KLHDC4: variants seen among roughly 807,000 people sequenced by gnomAD.
KLHDC4 encodes kelch domain-containing protein 4.
A neutral mutation model predicts 62.4 loss-of-function variants in KLHDC4; 90 were observed. The observed-to-expected ratio is 1.44, with a 90% CI of 1.22 to 1.72. The LOEUF is 1.72. Among genes scored for constraint, KLHDC4 ranks in the 40% most tolerant of loss-of-function variants. The pLI, the probability that KLHDC4 is intolerant of heterozygous loss-of-function variation, is 0.00. For missense variants in KLHDC4, 1,025 were observed against 699.7 expected, an observed-to-expected ratio of 1.47 and a Z score of -5.25; for synonymous variants, 386 against 284.4, an observed-to-expected ratio of 1.36 and a Z score of -3.59.
chr16:87,713,038 T>G (rs2036204378), intron 8 of KLHDC4, among the ~76,000 whole-genome samples: 1 of 152,232 alleles, frequency 6.6e-6, no homozygotes, highest in African/African-American at 2.4e-5. Context: ...TTCTATTTAT[T>G]TTTTATTTTT....
intron 6 of KLHDC4, among the ~76,000 whole-genome samples, chr16:87,727,410 C>T (rs924764372): frequency 2.0e-5 from 3 of 152,166 alleles, no homozygotes; most frequent in Admixed American, 1.3e-4. Context: ...ATGATCAGAA[C>T]GGAGGTGTGA....
intron 8 of KLHDC4, among the ~76,000 whole-genome samples, chr16:87,711,969 C>G (rs573672560): frequency 5.4e-4 from 81 of 149,360 alleles, no homozygotes; most frequent in African/African-American, 1.9e-3. Flanking sequence ...CAAGGGGACC[C>G]TTCGCCCAGG....
At chr16:87,748,345 C>G (rs1445100971) in intron 5 of KLHDC4, among the ~76,000 whole-genome samples, 2 of 152,210 alleles carry the variant, frequency 1.3e-5, no homozygotes, top group Admixed American at 6.5e-5. Flanking sequence ...TTCCAACAAG[C>G]TGGGCACCCA....
chr16:87,705,883 G>A (rs9937123), downstream of KLHDC4, among the ~76,000 whole-genome samples: 14,241 of 152,314 alleles, frequency 0.093, 935 homozygotes, highest in Non-Finnish European at 0.15. Context: ...AGAGTGTGAG[G>A]AAAGGACCTT....
intron 4 of KLHDC4, 60 bp from the exon 5 acceptor site, chr16:87,748,869 G>A: frequency 3.1e-6 from 5 of 1,601,500 alleles, no homozygotes; most frequent in Non-Finnish European, 4.3e-6. Flanking sequence ...CCAGTGTCAT[G>A]GGTGACCGGT....
chr16:87,709,608 A>T lies in KLHDC4; in HGVS notation c.1104T>A (p.Gly368=). Residue 368 remains glycine (G), a synonymous_variant, in exon 10 of 12, where the codon GGT becomes GGA. Transcript: ENST00000270583. ...RRGRKEEPEG[G]SRPACGGAGT... is the part of the protein sequence containing the mutation. ...CAGCTCCCCCACACGCCGGCCTGCT[A>T]CCACCTTCGGGCTCCTCTTTTCTGC... 6.2e-7 allele frequency: 1 copy of T among 1,610,768 alleles called. No homozygotes were observed. The highest frequency in any genetic ancestry group is 1.1e-5 in the South Asian group (1 of 90,768).
At chr16:87,761,691 C>T (rs1049758340) in intron 2 of KLHDC4, among the ~76,000 whole-genome samples, 6 of 152,198 alleles carry the variant, frequency 3.9e-5, no homozygotes, top group African/African-American at 7.2e-5. Flanking sequence ...CCCCACGTCA[C>T]GACCAGTGGA....
chr16:87,743,087 TATAA>T (rs1250991478), intron 5 of KLHDC4: 3 of 152,264 alleles, frequency 2.0e-5, no homozygotes, highest in Non-Finnish European at 4.4e-5. Flanking sequence ...TCAAAGACTT[TATAA>T]ATGTGTATGC....
rs1321637005 is a variant in KLHDC4, at chr16:87,711,229, C to T, written c.1044+6G>A. 6 of 1,613,848 alleles carry T rather than the reference C, an allele frequency of 3.7e-6. No homozygotes were observed. Among genetic ancestry groups the T allele is most frequent in the Non-Finnish European group, 5.1e-6 (6 of 1,179,948 alleles). On this transcript the variant is annotated splice_donor_region_variant and intron_variant, in intron 9 of 11. Transcript: ENST00000270583. ...CACGGCGCATGCTACTCAGAGGTTG[C>T]ACTACCTTCAGCTGTCCCTCAAACC...
At chr16:87,724,588 C>G (rs952482853) in intron 7 of KLHDC4, among the ~76,000 whole-genome samples, 1 of 152,160 alleles carries the variant, frequency 6.6e-6, no homozygotes, top group Non-Finnish European at 1.5e-5. Context: ...GAAAAGCACT[C>G]AACACCAGCA....
chr16:87,762,484 G>C (rs1039912005), intron 1 of KLHDC4, among the ~76,000 whole-genome samples: 4 of 152,348 alleles, frequency 2.6e-5, no homozygotes, highest in South Asian at 4.1e-4. Context: ...TCAGAGCCCA[G>C]GCCTGGGCCG....
chr16:87,757,129 C>T (rs1343771062), intron 2 of KLHDC4, among the ~76,000 whole-genome samples: 1 of 151,758 alleles, frequency 6.6e-6, no homozygotes, highest in Admixed American at 6.6e-5. Flanking sequence ...GAACTGTCCT[C>T]TTTTAAGAGC....
At chr16:87,720,861 T>A (rs956116869) in intron 7 of KLHDC4, among the ~76,000 whole-genome samples, 3 of 152,198 alleles carry the variant, frequency 2.0e-5, no homozygotes, top group African/African-American at 7.2e-5. Flanking sequence ...GTCGCGATGG[T>A]TTCTGCAGAG....
At position 87,708,370 on chromosome 16, in the gene KLHDC4, T is replaced by C; in HGVS notation, c.1544A>G (p.Glu515Gly). 6.2e-7 allele frequency: 1 copy of C among 1,608,376 alleles called. No individual in the cohort carries two copies. Among genetic ancestry groups the C allele is most frequent in the Non-Finnish European group, 8.5e-7 (1 of 1,177,918 alleles). The change falls in exon 11 of 12, where the codon GAG becomes GGG. Residue 515 changes from glutamate (E) to glycine (G), a missense_variant. By Grantham distance (98) the Glu-to-Gly change is moderately conservative (BLOSUM62 -2). Coordinates refer to ENST00000270583, the MANE Select transcript of KLHDC4 (RefSeq NM_017566.4). ...CTCACCTCAGTCCTCCGCACCGCTCTCCTCTCCGCTGTCTTCGTCGTCGAC... is the reference window on the plus strand; with the variant it reads ...CTCACCTCAGTCCTCCGCACCGCTCCCCTCTCCGCTGTCTTCGTCGTCGAC... ...GGVDDEDSGEESGAED is the reference protein window; with the variant it reads ...GGVDDEDSGEGSGAED
At chr16:87,701,908 C>T (rs1229547351) in exon 1 of KLHDC4, 1 of 456,336 alleles carries the variant, frequency 2.2e-6, no homozygotes, top group South Asian at 1.5e-5. Flanking sequence ...CTCTGCTGTG[C>T]ACGTGCTCCC....
At chr16:87,711,047 GGACCGT>G in intron 9 of KLHDC4, 182 bp downstream of exon 9, 1 of 607,824 alleles carries the variant, frequency 1.6e-6, no homozygotes, top group South Asian at 2.0e-5. Context: ...CAGACTAAGG[GGACCGT>G]GACCAAGGGC....
At chr16:87,724,781 T>TAACACC (rs2039044269) in intron 7 of KLHDC4, among the ~76,000 whole-genome samples, 1 of 152,058 alleles carries the variant, frequency 6.6e-6, no homozygotes, top group South Asian at 2.1e-4. Context: ...CCTTATTAAA[T>TAACACC]AACACCCACA....
intron 5 of KLHDC4, among the ~76,000 whole-genome samples, chr16:87,743,830 T>C (rs566704149): frequency 8.5e-5 from 13 of 152,324 alleles, no homozygotes; most frequent in Admixed American, 2.6e-4. Flanking sequence ...CTTACCACCA[T>C]AGCCCAGGTT....
rs757814238 is a variant in KLHDC4 at position 87,748,703 on chromosome 16, T to C, written c.476A>G (p.His159Arg). Reference sequence around the variant, plus strand: ...TTGTTCCCAGGTCTTGGTGGCCAAATGCAGGACCCAGAGATCCTTGTAGTG... The same window carrying C: ...TTGTTCCCAGGTCTTGGTGGCCAAACGCAGGACCCAGAGATCCTTGTAGTG... ...FYHYKDLWVL[H>R]LATKTWEQVK... Residue 159 changes from histidine to arginine, a missense_variant, in exon 5 of 12, where the codon CAT becomes CGT. His to Arg is a conservative substitution (Grantham distance 29). Coordinates refer to ENST00000270583, the MANE Select transcript of KLHDC4 (RefSeq NM_017566.4). 14 of 1,613,482 alleles carry C rather than the reference T, an allele frequency of 8.7e-6. 1 individual carries two copies. The South Asian group carries it at 9.9e-5, about 11-fold the overall frequency.
Sources: gnomAD v4.1 joint callset for allele counts (sites outside exome capture counted in the v4.1 genomes callset) on GRCh38, gnomAD v4.1.1 for gene constraint, MANE v1.5 for transcripts, NCBI Gene and HGNC (gene_info 2026-07-23, HGNC 2026-07-21) for gene names.